Variants in ATL2 observed in about 807,000 individuals in gnomAD.
The protein encoded by ATL2 is atlastin GTPase 2, also known as atlastin-2.
Under a neutral mutation model 73.9 loss-of-function variants are expected in ATL2, and 31 were observed. The observed-to-expected ratio is 0.42, with a 90% confidence interval of 0.32 to 0.57. The LOEUF is 0.57. ATL2 is among the 20% of genes least tolerant of loss of function. The pLI, the probability that ATL2 is intolerant of heterozygous loss-of-function variation, is 0.14. For synonymous variants in ATL2, 291 were observed against 237.5 expected (o/e 1.23, Z -2.07); for missense variants, 738 against 702.6 (o/e 1.05, Z -0.57).
At chr2:38,307,383 C>T (rs2148415312) in intron 9 of ATL2, among the ~76,000 whole-genome samples, 1 of 149,440 alleles carries the variant, frequency 6.7e-6, no homozygotes, top group Admixed American at 6.6e-5. Context: ...TGGAGCCTTG[C>T]TCTGTCGCCC....
chr2:38,369,967 C>T (rs930581536), intron 1 of ATL2, among the ~76,000 whole-genome samples: 5 of 149,402 alleles, frequency 3.3e-5, no homozygotes, highest in Admixed American at 3.3e-4. Flanking sequence ...CTGGCTAACA[C>T]GGTGAAACCC....
intron 2 of ATL2, among the ~76,000 whole-genome samples, chr2:38,334,718 A>C (rs914454592): frequency 1.3e-5 from 2 of 150,948 alleles, no homozygotes; most frequent in African/African-American, 4.9e-5. Flanking sequence ...AACAAACAAA[A>C]AAATCTGGTC....
intron 1 of ATL2, among the ~76,000 whole-genome samples, chr2:38,373,213 A>C (rs1421150490): frequency 6.6e-6 from 1 of 152,200 alleles, no homozygotes; most frequent in African/African-American, 2.4e-5. Context: ...CCTATGATTA[A>C]AGAAGCATTG....
chr2:38,339,914 C>A (rs1276209949), intron 2 of ATL2, among the ~76,000 whole-genome samples: 1 of 152,170 alleles, frequency 6.6e-6, no homozygotes, highest in Non-Finnish European at 1.5e-5. Flanking sequence ...TGGTCTCGAA[C>A]TCCTGACCTC....
intron 2 of ATL2, among the ~76,000 whole-genome samples, chr2:38,342,056 C>T (rs1246758203): frequency 6.6e-6 from 1 of 152,158 alleles, no homozygotes; most frequent in Non-Finnish European, 1.5e-5. Flanking sequence ...TTCAAACTCC[C>T]ATTCCCTCAG....
At chr2:38,341,444 C>T (rs567560841) in intron 2 of ATL2, among the ~76,000 whole-genome samples, 1 of 152,152 alleles carries the variant, frequency 6.6e-6, no homozygotes, top group South Asian at 2.1e-4. Flanking sequence ...CAAGACCAGC[C>T]TGGACAACAT....
intron 2 of ATL2, among the ~76,000 whole-genome samples, chr2:38,325,761 C>CACACACACACA (rs1367045070): frequency 5.7e-5 from 8 of 139,754 alleles, no homozygotes; most frequent in East Asian, 2.1e-4. Flanking sequence ...CACACACACA[C>CACACACACACA]CAGTCCCCAC....
upstream of ATL2, chr2:38,377,289 C>T (rs757900364): frequency 2.6e-6 from 4 of 1,515,360 alleles, no homozygotes; most frequent in Admixed American, 8.4e-5. Context: ...TAACTCCCCA[C>T]TGACGTCAAA....
intron 1 of ATL2, among the ~76,000 whole-genome samples, chr2:38,368,609 T>A (rs1244026798): frequency 6.6e-6 from 1 of 152,020 alleles, no homozygotes; most frequent in Non-Finnish European, 1.5e-5. Context: ...CTACCACTAA[T>A]AAGTTCAAAA....
At chr2:38,373,960 C>T (rs1046201022) in intron 1 of ATL2, among the ~76,000 whole-genome samples, 11 of 152,138 alleles carry the variant, frequency 7.2e-5, no homozygotes, top group Non-Finnish European at 1.3e-4. Flanking sequence ...GGCATGATCT[C>T]GGCTCACGGC....
intron 2 of ATL2, among the ~76,000 whole-genome samples, chr2:38,327,109 C>G (rs1374142470): frequency 1.3e-5 from 2 of 151,632 alleles, no homozygotes; most frequent in African/African-American, 4.8e-5. Context: ...TAAAGTTATC[C>G]TACAAAAGAA....
At chr2:38,349,294 C>A (rs944856041) in intron 1 of ATL2, among the ~76,000 whole-genome samples, 15 of 151,944 alleles carry the variant, frequency 9.9e-5, no homozygotes, top group African/African-American at 3.6e-4. Flanking sequence ...CAATGATAGA[C>A]TGGATTAAGA....
chr2:38,370,297 A>C (rs1671603228), intron 1 of ATL2, among the ~76,000 whole-genome samples: 1 of 149,278 alleles, frequency 6.7e-6, no homozygotes, highest in Non-Finnish European at 1.5e-5. Flanking sequence ...AAAAATACAA[A>C]AATTAGCCGG....
At position 38,298,287 on chromosome 2, in the gene ATL2, G is replaced by T. The variant is rs150829495; in HGVS notation, c.1489C>A (p.Leu497Ile). 1.2e-6 allele frequency: 2 copies of T among 1,614,116 alleles called. No individual in the cohort carries two copies. The highest frequency in any genetic ancestry group is 1.7e-6 in the Non-Finnish European group (2 of 1,179,998). ...IISGLTGFIGLNSIAVLCNLV... is the reference protein window; with the variant it reads ...IISGLTGFIGINSIAVLCNLV... The stretch of plus-strand genomic sequence containing the variant: ...TTACACAAGACAGCTATAGAGTTTA[G>T]GCCAATGAAGCCAGTCAGTCCTGAG... Residue 497 changes from leucine to isoleucine, a missense_variant, in exon 12 of 13, where the codon CTA (leucine) becomes ATA (isoleucine). Leu to Ile is a conservative substitution (Grantham distance 5). Transcript: ENST00000378954.
intron 9 of ATL2, among the ~76,000 whole-genome samples, chr2:38,308,561 CAAT>C (rs775563022): frequency 2.6e-5 from 4 of 151,544 alleles, no homozygotes; most frequent in South Asian, 2.1e-4. Flanking sequence ...TAGTTACAGT[CAAT>C]AATAACTTAC....
Position 38,296,080 on chromosome 2 carries a change from C to G in ATL2, c.1666G>C (p.Glu556Gln). 1.3e-6 allele frequency: 2 copies of G among 1,551,406 alleles called. No individual in the cohort carries two copies. The highest frequency in any genetic ancestry group is 1.7e-6 in the Non-Finnish European group (2 of 1,146,806). ...TTTGTTACAGACTGCCTTATGTTTTCCTCCATCAAATTATCACCCAGGGGC... is the reference window on the plus strand; with the variant it reads ...TTTGTTACAGACTGCCTTATGTTTTGCTCCATCAAATTATCACCCAGGGGC... ...LKPLGDNLMEENIRQSVTNSI... is the reference protein window; with the variant it reads ...LKPLGDNLMEQNIRQSVTNSI... The change falls in exon 13 of 13, where the codon GAA becomes CAA. Residue 556 changes from glutamate (E) to glutamine (Q), a missense_variant. Physicochemically the swap from Glu to Gln is conservative, Grantham distance 29. Coordinates refer to ENST00000378954, the MANE Select transcript of ATL2 (RefSeq NM_001135673.4).
intron 9 of ATL2, 101 bp downstream of exon 9, chr2:38,309,275 CTTT>C: frequency 1.2e-5 from 13 of 1,127,516 alleles, no homozygotes; most frequent in African/African-American, 1.6e-5. Flanking sequence ...AAATCTTACT[CTTT>C]TTTGTTTTAA....
At chr2:38,348,628 A>C (rs1050281270) in intron 1 of ATL2, among the ~76,000 whole-genome samples, 2 of 151,842 alleles carry the variant, frequency 1.3e-5, no homozygotes, top group Non-Finnish European at 2.9e-5. Context: ...GGTTTTTTAG[A>C]AGTTTAAGAA....
intron 1 of ATL2, among the ~76,000 whole-genome samples, chr2:38,360,290 T>G (rs1392040782): frequency 2.0e-5 from 3 of 150,326 alleles, no homozygotes; most frequent in Non-Finnish European, 4.4e-5. Context: ...TTGGGTGTTT[T>G]GCTTATTTGT....
Sources: allele counts gnomAD v4.1 joint callset (sites outside exome capture counted in the v4.1 genomes callset), GRCh38; gene constraint gnomAD v4.1.1; transcripts MANE v1.5; gene names NCBI Gene and HGNC (gene_info 2026-07-23, HGNC 2026-07-21).